PRSS12: variants seen among roughly 807,000 people sequenced by gnomAD.
The protein encoded by PRSS12 is serine protease 12, also known as neurotrypsin.
Under a neutral mutation model 104.4 loss-of-function variants are expected in PRSS12, and 85 were observed. The ratio of observed to expected loss-of-function variants is 0.81; its 90% CI spans 0.68 to 0.98. PRSS12 has a LOEUF of 0.98. PRSS12 is among the 50% of genes least tolerant of loss of function. The pLI, the probability that PRSS12 is intolerant of heterozygous loss-of-function variation, is 0.00. For missense variants in PRSS12, 1,141 were observed against 1,139.2 expected, an observed-to-expected ratio of 1.00 and a Z score of -0.02; for synonymous variants, 454 against 425.2, an observed-to-expected ratio of 1.07 and a Z score of -0.83.
chr4:118,348,239 C>T (rs1197965090), intron 1 of PRSS12, among the ~76,000 whole-genome samples: 1 of 152,128 alleles, frequency 6.6e-6, no homozygotes, highest in Non-Finnish European at 1.5e-5. Flanking sequence ...TTCCAGTGAA[C>T]TAGGTTATTA....
At chr4:118,350,011 A>C (rs1020437867) in intron 1 of PRSS12, among the ~76,000 whole-genome samples, 2 of 152,220 alleles carry the variant, frequency 1.3e-5, no homozygotes, top group Admixed American at 6.5e-5. Flanking sequence ...CAAAAAATAA[A>C]TAAATAAATA....
chr4:118,345,321 C>T (rs1265277912), intron 1 of PRSS12, among the ~76,000 whole-genome samples: 1 of 151,912 alleles, frequency 6.6e-6, no homozygotes, highest in African/African-American at 2.4e-5. Context: ...TATTGTTGCA[C>T]TGATTTGTAA....
intron 4 of PRSS12, among the ~76,000 whole-genome samples, chr4:118,326,758 A>T (rs1396559864): frequency 3.9e-5 from 6 of 152,192 alleles, no homozygotes; most frequent in Admixed American, 3.9e-4. Flanking sequence ...TCTGCCTCCC[A>T]CTAACAGACT....
intron 4 of PRSS12, among the ~76,000 whole-genome samples, chr4:118,331,117 C>G (rs1269593632): frequency 1.3e-5 from 2 of 152,014 alleles, no homozygotes; most frequent in Admixed American, 1.3e-4. Flanking sequence ...CTTGTTATAC[C>G]AATGTTCAGA....
intron 11 of PRSS12, among the ~76,000 whole-genome samples, chr4:118,285,197 A>G (rs962798981): frequency 6.6e-6 from 1 of 152,224 alleles, no homozygotes. Context: ...TTAAATCATC[A>G]CATATCTTTA....
rs1361562998 is a variant in PRSS12 at position 118,338,190 on chromosome 4, G to A, written c.627C>T (p.His209=). The part of the protein sequence containing the change: ...WDDSDASVIC[H]QLQLGGKGIA... ...GGTACACTCACCCCAGCTGCAGCTG[G>A]TGACAAATGACTGATGCATCAGAAT... Residue 209 remains histidine (H), a synonymous_variant, in exon 2 of 13, where the codon CAC becomes CAT. Coordinates refer to ENST00000296498, the MANE Select transcript of PRSS12 (RefSeq NM_003619.4). The A allele has an allele frequency of 1.2e-6, 2 of 1,614,020 alleles. No homozygotes were observed. The highest frequency in any genetic ancestry group is 1.3e-5 in the African/African-American group (1 of 75,040).
chr4:118,296,932 G>C (rs1743267635), intron 9 of PRSS12, among the ~76,000 whole-genome samples: 1 of 152,128 alleles, frequency 6.6e-6, no homozygotes, highest in Non-Finnish European at 1.5e-5. Context: ...CAATGTATAT[G>C]ATGCCAAGAA....
rs999814512 is a variant in PRSS12, at chr4:118,315,894, T to A, written c.1292+288A>T. Among the ~76,000 whole-genome samples the A allele has an allele frequency of 3.9e-5, 6 of 152,160 alleles. No homozygotes were observed. The South Asian group carries it at 1.2e-3, about 32-fold the overall frequency. On this transcript the variant is annotated intron_variant, in intron 6 of 12. Coordinates refer to ENST00000296498, the MANE Select transcript of PRSS12 (RefSeq NM_003619.4). Reference sequence around the variant, plus strand: ...GACGTGTCAGAATAAAAATGAGCATTCAAAGTCTTACTTGAATAGACACAA... The same window carrying A: ...GACGTGTCAGAATAAAAATGAGCATACAAAGTCTTACTTGAATAGACACAA...
intron 2 of PRSS12, among the ~76,000 whole-genome samples, chr4:118,337,887 C>T (rs2126042671): frequency 6.6e-6 from 1 of 151,930 alleles, no homozygotes; most frequent in East Asian, 1.9e-4. Context: ...CTTCAAAGGC[C>T]TCTGTATTTT....
At chr4:118,333,693 G>T (rs1252463166) in intron 3 of PRSS12, among the ~76,000 whole-genome samples, 1 of 152,168 alleles carries the variant, frequency 6.6e-6, no homozygotes, top group Non-Finnish European at 1.5e-5. Context: ...TTAAGAGAAA[G>T]TTGAAAACCA....
At chr4:118,350,132 C>T (rs1332999575) in intron 1 of PRSS12, among the ~76,000 whole-genome samples, 1 of 152,198 alleles carries the variant, frequency 6.6e-6, no homozygotes, top group Non-Finnish European at 1.5e-5. Context: ...GGTTGTTTTG[C>T]GTACATGCTC....
At chr4:118,307,050 T>C (rs1035077659) in intron 8 of PRSS12, among the ~76,000 whole-genome samples, 1 of 152,084 alleles carries the variant, frequency 6.6e-6, no homozygotes, top group African/African-American at 2.4e-5. Flanking sequence ...GGGAATGTAA[T>C]GCAAGAACAA....
chr4:118,286,039 T>C (rs1175994848), intron 11 of PRSS12, among the ~76,000 whole-genome samples: 1 of 152,180 alleles, frequency 6.6e-6, no homozygotes, highest in Non-Finnish European at 1.5e-5. Context: ...ATAATATCAA[T>C]GTTAAAGCCC....
chr4:118,338,986 G>C (rs2126043069), intron 1 of PRSS12, among the ~76,000 whole-genome samples: 1 of 152,178 alleles, frequency 6.6e-6, no homozygotes, highest in East Asian at 1.9e-4. Flanking sequence ...GAATGCCCCT[G>C]GAAACTCACC....
chr4:118,299,765 TAAATAAAATA>T (rs1258442709), intron 8 of PRSS12, among the ~76,000 whole-genome samples: 5 of 77,338 alleles, frequency 6.5e-5, no homozygotes, highest in African/African-American at 2.4e-4. Flanking sequence ...TAAATAAAAT[TAAATAAAATA>T]AAATAAAATA....
chr4:118,329,654 C>T (rs1233141146), intron 4 of PRSS12, among the ~76,000 whole-genome samples: 1 of 152,116 alleles, frequency 6.6e-6, no homozygotes, highest in Non-Finnish European at 1.5e-5. Flanking sequence ...AGATGTTTAA[C>T]AACATCTTTA....
chr4:118,335,431 C>T lies in PRSS12; in HGVS notation c.820+42G>A, dbSNP rs186395539. 3.3e-3 allele frequency: 5,234 copies of T among 1,603,890 alleles called. 15 individuals are homozygous for T. Among genetic ancestry groups the T allele is most frequent in the Non-Finnish European group, 3.8e-3 (4,502 of 1,171,746 alleles). Reference sequence around the variant, plus strand: ...TCATCATCTGGAATCACGTTTAAAACATAATGAAAGTAAAACAACAGAACT... The same window carrying T: ...TCATCATCTGGAATCACGTTTAAAATATAATGAAAGTAAAACAACAGAACT... On this transcript the variant is annotated intron_variant, in intron 3 of 12. Coordinates refer to ENST00000296498, the MANE Select transcript of PRSS12 (RefSeq NM_003619.4).
rs1055194540 is a variant in PRSS12, at chr4:118,331,802, G to GATCT, written c.884_885insAGAT (p.Tyr296AspfsTer12). On this transcript the variant is annotated frameshift_variant, in exon 4 of 13. Coordinates refer to ENST00000296498, the MANE Select transcript of PRSS12 (RefSeq NM_003619.4). LOFTEE classifies it high-confidence loss of function. ...CGGTTCCCCACTGGCCAGCATGGTA[G>GATCT]AGCTCCACCCGGCCTTCATGCACAC... 14 of 1,614,190 alleles carry GATCT rather than the reference G, an allele frequency of 8.7e-6. No individual in the cohort carries two copies. Among genetic ancestry groups the GATCT allele is most frequent in the Non-Finnish European group, 1.1e-5 (13 of 1,180,028 alleles).
chr4:118,284,246 G>T (rs1330188832), intron 11 of PRSS12, among the ~76,000 whole-genome samples: 3 of 152,072 alleles, frequency 2.0e-5, no homozygotes, highest in African/African-American at 4.8e-5. Flanking sequence ...TCCATCCCCA[G>T]TTGCGATTAC....
Sources: allele counts gnomAD v4.1 joint callset (sites outside exome capture counted in the v4.1 genomes callset), GRCh38; gene constraint gnomAD v4.1.1; transcripts MANE v1.5; gene names NCBI Gene and HGNC (gene_info 2026-07-23, HGNC 2026-07-21).